The following LINGO1 variants were observed in gnomAD, a reference collection of about 807,000 sequenced individuals.
LINGO1 encodes the protein leucine-rich repeat and immunoglobulin-like domain-containing nogo receptor-interacting protein 1.
In LINGO1, 11 loss-of-function variants were observed where a neutral mutation model predicts 37.3. The ratio of observed to expected loss-of-function variants is 0.29; its 90% CI spans 0.19 to 0.49. The LOEUF (loss-of-function observed/expected upper bound fraction) is 0.49. Ranked by LOEUF, LINGO1 falls within the 20% of genes least tolerant of loss-of-function variation. The pLI is 0.99. For synonymous variants in LINGO1, 387 were observed against 403.0 expected (o/e 0.96, Z 0.48); for missense variants, 585 against 878.2 (o/e 0.67, Z 4.22).
At position 77,615,748 on chromosome 15, in the gene LINGO1, G is replaced by A. The variant is rs763677952; in HGVS notation, c.159C>T (p.Arg53=). 1.1e-5 allele frequency: 18 copies of A among 1,586,246 alleles called. No individual in the cohort carries two copies. In the South Asian group the frequency reaches 1.5e-4, roughly 13 times the overall value. ...PPRCECSAQD[R]AVLCHRKRFV... is the part of the protein sequence containing the mutation. ...AGCGCTTGCGGTGGCACAGCACAGC[G>A]CGGTCCTGGGCGGAGCACTCGCAGC... The change falls in exon 2 of 2, where the codon CGC becomes CGT. Residue 53 remains arginine, a synonymous_variant. Coordinates refer to ENST00000355300, the MANE Select transcript of LINGO1 (RefSeq NM_032808.7).
At chr15:77,748,892 T>TTA (rs2076341729) in intron 1 of LINGO1, among the ~76,000 whole-genome samples, 1 of 138,666 alleles carries the variant, frequency 7.2e-6, no homozygotes, top group African/African-American at 2.7e-5. Flanking sequence ...ATTTATTTAT[T>TTA]TTCCTTCCTT....
chr15:77,655,792 C>T (rs76998330), intron 3 of LINGO1, among the ~76,000 whole-genome samples: 332 of 152,348 alleles, frequency 2.2e-3, no homozygotes, highest in African/African-American at 7.8e-3. Context: ...CCTGACGAGA[C>T]GGTGGGGCTG....
intron 1 of LINGO1, among the ~76,000 whole-genome samples, chr15:77,800,248 G>A (rs886410785): frequency 6.6e-6 from 1 of 152,166 alleles, no homozygotes; most frequent in African/African-American, 2.4e-5. Context: ...GGCACATTCC[G>A]TGACAGCTGC....
chr15:77,616,663 G>GATCCA (rs1332083524), intron 1 of LINGO1, among the ~76,000 whole-genome samples: 7 of 152,162 alleles, frequency 4.6e-5, no homozygotes, highest in Admixed American at 3.9e-4. Flanking sequence ...CTGGACTCCT[G>GATCCA]GTGGGATCTG....
chr15:77,718,483 CAT>C (rs771957570), intron 2 of LINGO1, among the ~76,000 whole-genome samples: 2 of 151,060 alleles, frequency 1.3e-5, no homozygotes, highest in Admixed American at 6.6e-5. Flanking sequence ...GGACCACACA[CAT>C]GTATGTATTG....
rs148294467 is a variant in LINGO1 at position 77,701,817 on chromosome 15, C to A, written c.-194-10916G>T. 3.2e-3 allele frequency among the ~76,000 whole-genome samples: 490 copies of A among 152,296 alleles called. 7 individuals are homozygous for A. The highest frequency in any genetic ancestry group is 0.011 in the African/African-American group (470 of 41,538). On this transcript the variant is annotated intron_variant, in intron 2 of 3. Transcript: ENST00000561686. ...CCCTCCCCTGATGCAGATGCCAGCACCATGCTTGTACGGCCTGCAGAACCA... is the reference window on the plus strand; with the variant it reads ...CCCTCCCCTGATGCAGATGCCAGCAACATGCTTGTACGGCCTGCAGAACCA...
At chr15:77,757,689 AAG>A (rs1199169441) in intron 1 of LINGO1, among the ~76,000 whole-genome samples, 1 of 152,190 alleles carries the variant, frequency 6.6e-6, no homozygotes, top group African/African-American at 2.4e-5. Flanking sequence ...GGACAGGGCA[AAG>A]AGAGCCAGCA....
intron 1 of LINGO1, among the ~76,000 whole-genome samples, chr15:77,623,313 G>A (rs907292900): frequency 6.6e-6 from 1 of 152,188 alleles, no homozygotes; most frequent in Non-Finnish European, 1.5e-5. Flanking sequence ...TTGTAGCCTG[G>A]TCAACTTGAG....
chr15:77,783,097 T>TGCCTGGATGCCCATC (rs1021491970), intron 1 of LINGO1, among the ~76,000 whole-genome samples: 9 of 152,124 alleles, frequency 5.9e-5, no homozygotes, highest in Non-Finnish European at 1.2e-4. Flanking sequence ...CAGAGAGGCC[T>TGCCTGGATGCCCATC]GCCTGGATGC....
At chr15:77,707,153 A>C (rs930478837) in intron 2 of LINGO1, among the ~76,000 whole-genome samples, 1 of 152,222 alleles carries the variant, frequency 6.6e-6, no homozygotes, top group African/African-American at 2.4e-5. Flanking sequence ...GGAGGGGAAC[A>C]GGATGTGCCA....
Position 77,615,592 on chromosome 15 carries a change from G to A in LINGO1, c.315C>T (p.Asn105=), listed in dbSNP as rs1180344654. 3 of 1,611,612 alleles carry A rather than the reference G, an allele frequency of 1.9e-6. No homozygotes were observed. Among genetic ancestry groups the A allele is most frequent in the Middle Eastern group, 1.7e-4 (1 of 6,060 alleles). The change falls in exon 2 of 2, where the codon AAC becomes AAT. Residue 105 remains asparagine, a synonymous_variant. Coordinates refer to ENST00000355300, the MANE Select transcript of LINGO1 (RefSeq NM_032808.7). ...PHLEELELNE[N]IVSAVEPGAF... ...CGCCGGGCTCCACGGCGCTCACGAT[G>A]TTCTCGTTGAGCTCCAGCTCCTCCA...
chr15:77,751,901 C>T (rs577849695), intron 1 of LINGO1, among the ~76,000 whole-genome samples: 8 of 152,174 alleles, frequency 5.3e-5, no homozygotes, highest in Non-Finnish European at 8.8e-5. Context: ...ACCCACATTT[C>T]CCAAGTCCCC....
intron 3 of LINGO1, among the ~76,000 whole-genome samples, chr15:77,676,230 T>C (rs1240312449): frequency 6.6e-6 from 1 of 152,162 alleles, no homozygotes; most frequent in Non-Finnish European, 1.5e-5. Context: ...CAACAGCCAC[T>C]GGAGGCAGCT....
At chr15:77,747,766 A>G (rs2076329162) in intron 1 of LINGO1, among the ~76,000 whole-genome samples, 1 of 152,240 alleles carries the variant, frequency 6.6e-6, no homozygotes. Flanking sequence ...TGTCACCATT[A>G]AAGGGAAACA....
chr15:77,802,886 C>T (rs1264020857), intron 1 of LINGO1, among the ~76,000 whole-genome samples: 3 of 152,174 alleles, frequency 2.0e-5, no homozygotes, highest in Non-Finnish European at 4.4e-5. Flanking sequence ...GCTCCCTGCC[C>T]GCACTCCTTA....
At chr15:77,750,082 C>T (rs2076355762) in intron 1 of LINGO1, among the ~76,000 whole-genome samples, 1 of 152,120 alleles carries the variant, frequency 6.6e-6, no homozygotes, top group Non-Finnish European at 1.5e-5. Flanking sequence ...TCACCCACCC[C>T]TGGGGCTGAG....
At chr15:77,788,336 C>G (rs747897423), upstream of LINGO1, 2 of 152,270 alleles carry the variant, frequency 1.3e-5, no homozygotes, top group Non-Finnish European at 2.9e-5. Context: ...AGACACGGCT[C>G]TAAGCCCTTT....
Position 77,778,157 on chromosome 15 carries a change from C to T in LINGO1, c.-257+8712G>A, listed in dbSNP as rs75276143. ...GGCCTCTTCCAGCTTTTGGTGACCA[C>T]GGTCATCCCTTGGCTTGTGGCCACA... On this transcript the variant is annotated intron_variant, in intron 1 of 3. Coordinates refer to the LINGO1 transcript ENST00000561686. Among the ~76,000 whole-genome samples, 7 of 152,306 alleles carry T rather than the reference C, an allele frequency of 4.6e-5. No homozygotes were observed. In the East Asian group the frequency reaches 1.2e-3, roughly 25 times the overall value.
chr15:77,705,878 G>T (rs1170951725), intron 2 of LINGO1, among the ~76,000 whole-genome samples: 4 of 152,090 alleles, frequency 2.6e-5, no homozygotes, highest in Admixed American at 1.3e-4. Context: ...GGGGCCCACT[G>T]ATGCCTGAAA....
Sources: gnomAD v4.1 joint callset for allele counts (sites outside exome capture counted in the v4.1 genomes callset) on GRCh38, gnomAD v4.1.1 for gene constraint, MANE v1.5 for transcripts, NCBI Gene and HGNC (gene_info 2026-07-23, HGNC 2026-07-21) for gene names.